FBXL4: variants seen among roughly 807,000 people sequenced by gnomAD.
FBXL4 encodes F-box and leucine rich repeat protein 4.
Under a neutral mutation model 58.9 loss-of-function variants are expected in FBXL4, and 40 were observed. The observed-to-expected ratio is 0.68, with a 90% CI of 0.53 to 0.88. FBXL4 has a LOEUF of 0.88. Ranked by LOEUF, FBXL4 falls within the 40% of genes least tolerant of loss-of-function variation. The pLI, the probability that FBXL4 is intolerant of heterozygous loss-of-function variation, is 0.00. For missense variants in FBXL4, 676 were observed against 734.4 expected (o/e 0.92, Z 0.92); for synonymous variants, 263 against 265.5 (o/e 0.99, Z 0.09).
intron 7 of FBXL4, chr6:98,898,715 T>G (rs1364364394): frequency 9.1e-6 from 9 of 984,284 alleles, no homozygotes; most frequent in Non-Finnish European, 1.1e-5. Context: ...TTAAATAGAT[T>G]ATGGTATAAC....
intron 5 of FBXL4, among the ~76,000 whole-genome samples, chr6:98,910,843 G>C (rs537335687): frequency 6.6e-6 from 1 of 152,294 alleles, no homozygotes; most frequent in South Asian, 2.1e-4. Context: ...AGTGGGTGCA[G>C]CGCACCGTGC....
chr6:98,880,717 G>T, intron 7 of FBXL4, 93 bp from the exon 8 acceptor site: 2 of 1,048,424 alleles, frequency 1.9e-6, no homozygotes, highest in Non-Finnish European at 2.9e-6. Context: ...GGCTGTCACT[G>T]CTTTTCCTGA....
intron 5 of FBXL4, among the ~76,000 whole-genome samples, chr6:98,907,739 C>A (rs951568656): frequency 6.6e-6 from 1 of 151,946 alleles, no homozygotes; most frequent in Non-Finnish European, 1.5e-5. Flanking sequence ...AACCTAAATG[C>A]TCTTCTTCAA....
chr6:98,912,337 T>G (rs538532397), intron 5 of FBXL4, among the ~76,000 whole-genome samples: 1 of 152,054 alleles, frequency 6.6e-6, no homozygotes, highest in African/African-American at 2.4e-5. Context: ...GCCACAAATA[T>G]ATTCCTCAAG....
intron 1 of FBXL4, among the ~76,000 whole-genome samples, chr6:98,939,874 G>A (rs948442430): frequency 8.5e-5 from 13 of 152,190 alleles, no homozygotes; most frequent in Non-Finnish European, 1.6e-4. Flanking sequence ...CTCATGTGTC[G>A]ATGATTAGCT....
intron 6 of FBXL4, among the ~76,000 whole-genome samples, chr6:98,904,766 G>A (rs1045287955): frequency 6.6e-6 from 1 of 152,110 alleles, no homozygotes; most frequent in South Asian, 2.1e-4. Flanking sequence ...AAGGTTAGGA[G>A]AAAAACACCT....
intron 7 of FBXL4, among the ~76,000 whole-genome samples, chr6:98,887,576 A>G (rs1582377949): frequency 6.6e-6 from 1 of 152,352 alleles, no homozygotes; most frequent in South Asian, 2.1e-4. Flanking sequence ...TCTGTACATT[A>G]AACTGGGAAT....
intron 5 of FBXL4, 65 bp downstream of exon 5, chr6:98,917,309 A>T: frequency 9.3e-7 from 1 of 1,077,930 alleles, no homozygotes; most frequent in Non-Finnish European, 1.3e-6. Context: ...AGTAAACATT[A>T]ATATCTAAAG....
intron 7 of FBXL4, among the ~76,000 whole-genome samples, chr6:98,892,544 C>A (rs539907432): frequency 6.6e-6 from 1 of 152,240 alleles, no homozygotes; most frequent in East Asian, 1.9e-4. Context: ...CCACCATATA[C>A]GCATGTCAGA....
At chr6:98,911,798 C>T (rs1772085261) in intron 5 of FBXL4, among the ~76,000 whole-genome samples, 1 of 152,224 alleles carries the variant, frequency 6.6e-6, no homozygotes, top group African/African-American at 2.4e-5. Flanking sequence ...CGCAGTTCCT[C>T]ACCGGCAATG....
At chr6:98,913,431 C>G (rs754411742) in intron 5 of FBXL4, among the ~76,000 whole-genome samples, 3 of 152,120 alleles carry the variant, frequency 2.0e-5, no homozygotes, top group Non-Finnish European at 4.4e-5. Flanking sequence ...TGGAAGTAAA[C>G]CACTCCACAG....
At chr6:98,933,380 C>T (rs956378295) in intron 2 of FBXL4, among the ~76,000 whole-genome samples, 8 of 152,102 alleles carry the variant, frequency 5.3e-5, no homozygotes, top group African/African-American at 1.7e-4. Flanking sequence ...ACTTTGAGCC[C>T]GCCTTCCCCT....
intron 4 of FBXL4, among the ~76,000 whole-genome samples, chr6:98,918,383 T>A (rs1186556943): frequency 8.5e-5 from 13 of 152,128 alleles, no homozygotes; most frequent in Non-Finnish European, 1.5e-5. Context: ...CCAGCCAGAT[T>A]AATCATTATT....
At chr6:98,898,604 C>G in intron 7 of FBXL4, 2 of 975,980 alleles carry the variant, frequency 2.0e-6, no homozygotes, top group Non-Finnish European at 2.4e-6. Context: ...GACTCCGTCT[C>G]AAAAAAGAAA....
intron 5 of FBXL4, among the ~76,000 whole-genome samples, chr6:98,906,485 T>C (rs906130008): frequency 5.3e-5 from 8 of 152,190 alleles, no homozygotes; most frequent in Admixed American, 2.0e-4. Context: ...TCCATGTCCC[T>C]GCAAAGGACA....
In FBXL4 at chr6:98,947,586, G is replaced by A. The variant is rs573101663; in HGVS notation, c.-309+220C>T. Among the ~76,000 whole-genome samples, 790 of 152,308 alleles carry A rather than the reference G, an allele frequency of 5.2e-3. 10 individuals are homozygous for A. The highest frequency in any genetic ancestry group is 0.018 in the African/African-American group (744 of 41,586). On this transcript the variant is annotated intron_variant, in intron 1 of 9. Coordinates refer to ENST00000369244, the MANE Select transcript of FBXL4 (RefSeq NM_001278716.2). ...GTAGCGTAGAAAGAGCCCGAGGCAC[G>A]TCAGCAGTTCTCAAGGGCCCCAGCA... is the stretch of plus-strand genomic sequence containing the variant.
At chr6:98,913,010 A>T (rs1458996542) in intron 5 of FBXL4, among the ~76,000 whole-genome samples, 6 of 151,980 alleles carry the variant, frequency 3.9e-5, no homozygotes, top group Non-Finnish European at 8.8e-5. Flanking sequence ...AAACAAAAAA[A>T]GGCAGGGGTT....
At chr6:98,929,398 C>T (rs1481866756) in intron 2 of FBXL4, among the ~76,000 whole-genome samples, 1 of 151,688 alleles carries the variant, frequency 6.6e-6, no homozygotes, top group Non-Finnish European at 1.5e-5. Flanking sequence ...ACAGAGAAAC[C>T]CCGTCTCTAC....
intron 2 of FBXL4, among the ~76,000 whole-genome samples, chr6:98,931,697 C>T (rs552592482): frequency 5.3e-5 from 8 of 152,294 alleles, no homozygotes; most frequent in South Asian, 2.1e-4. Context: ...CCATTGCTAA[C>T]GTCCTTCATT....
Sources: allele counts gnomAD v4.1 joint callset (sites outside exome capture counted in the v4.1 genomes callset), GRCh38; gene constraint gnomAD v4.1.1; transcripts MANE v1.5; gene names NCBI Gene and HGNC (gene_info 2026-07-23, HGNC 2026-07-21).